The following ANKH variants were observed in gnomAD, a reference collection of about 807,000 sequenced individuals.
ANKH encodes the protein ANKH inorganic pyrophosphate transport regulator.
Under a neutral mutation model 49.0 loss-of-function variants are expected in ANKH, and 15 were observed. That is an observed-to-expected ratio of 0.31 (90% CI 0.20 to 0.47). The LOEUF (loss-of-function observed/expected upper bound fraction) is 0.47, where lower values mean the gene tolerates loss of function less well. Among genes scored for constraint, ANKH ranks in the 20% least tolerant of loss-of-function variants. ANKH has a pLI of 1.00. For synonymous variants in ANKH, 273 were observed against 260.0 expected (o/e 1.05, Z -0.48); for missense variants, 429 against 652.0 (o/e 0.66, Z 3.72).
intron 8 of ANKH, among the ~76,000 whole-genome samples, chr5:14,722,981 C>CTA (rs1297723649): frequency 6.6e-6 from 1 of 152,078 alleles, no homozygotes; most frequent in African/African-American, 2.4e-5. Context: ...CAGTCTTAAT[C>CTA]ATAAGACAAA....
rs1352014258 is a variant in ANKH, at chr5:14,713,243, A to G, written c.1266-270T>C. On this transcript the variant is annotated intron_variant, in intron 10 of 11. Coordinates refer to ENST00000284268, the MANE Select transcript of ANKH (RefSeq NM_054027.6). This position sits in a 1 kb window ranked among gnomAD's most constrained non-coding sequence, Gnocchi z 4.4. ...CGCTGGGAGCTCCCTGAGCGCAGGG[A>G]CCATGTCCTTCTCTTCTGGTTTTCA... Among the ~76,000 whole-genome samples, 3 of 151,976 alleles carry G rather than the reference A, an allele frequency of 2.0e-5. No homozygotes were observed. Among genetic ancestry groups the G allele is most frequent in the Non-Finnish European group, 4.4e-5 (3 of 67,968 alleles).
chr5:14,712,061 C>T (rs2126397754), intron 11 of ANKH, among the ~76,000 whole-genome samples: 1 of 152,326 alleles, frequency 6.6e-6, no homozygotes. Context: ...TAATGACCAT[C>T]ATTTCCCTAC....
rs553772616 is a variant in ANKH, at chr5:14,745,528, C to T, written c.915+342G>A. ...TCTGGTATGGGGTCAGCAAAGCATT[C>T]GTTTAAAGAAACAAACCACAGAAAT... is the stretch of plus-strand genomic sequence containing the variant. On this transcript the variant is annotated intron_variant, in intron 7 of 11. Transcript: ENST00000284268. The surrounding 1 kb of genome is among the most constrained non-coding windows in gnomAD (Gnocchi z 4.7). Among the ~76,000 whole-genome samples the T allele has an allele frequency of 2.6e-5, 4 of 152,268 alleles. No individual in the cohort carries two copies. The highest frequency in any genetic ancestry group is 2.9e-5 in the Non-Finnish European group (2 of 68,032).
At chr5:14,805,437 A>G (rs572924938) in intron 1 of ANKH, among the ~76,000 whole-genome samples, 162 of 109,100 alleles carry the variant, frequency 1.5e-3, no homozygotes, top group African/African-American at 5.1e-3. Flanking sequence ...AAACATATAT[A>G]TGTGTGTGTG....
At chr5:14,848,117 C>T (rs1445171945) in intron 1 of ANKH, among the ~76,000 whole-genome samples, 3 of 152,088 alleles carry the variant, frequency 2.0e-5, no homozygotes, top group South Asian at 2.1e-4. Flanking sequence ...TCCAGCCTGG[C>T]GATGGACCGA....
rs1736955680 is a variant in ANKH, at chr5:14,706,660, A to G, written c.*4537T>C. 6.6e-6 allele frequency: 1 copy of G among 152,210 alleles called. No individual in the cohort carries two copies. Among genetic ancestry groups the G allele is most frequent in the Admixed American group, 6.5e-5 (1 of 15,290 alleles). The allele number at this position is 152,210 out of a possible 1,614,324, so 9.4% of individuals were successfully genotyped here. A position where few individuals can be genotyped will look rare whatever the true frequency, so the allele number is the denominator to read the frequency against. ...ATGATTTTAGACATTTTGCCTTTAAAAGGGCAGGCAACAGGCCCTTTTACG... is the reference window on the plus strand; with the variant it reads ...ATGATTTTAGACATTTTGCCTTTAAGAGGGCAGGCAACAGGCCCTTTTACG... On this transcript the variant is annotated 3_prime_UTR_variant, in exon 12 of 12. Coordinates refer to ENST00000284268, the MANE Select transcript of ANKH (RefSeq NM_054027.6).
chr5:14,732,481 A>G lies in ANKH; in HGVS notation c.1011+9346T>C, dbSNP rs1435148409. ...AAGACTATAAACTTTATATTTATCT[A>G]TAAGATATAGATACATATATATAAT... On this transcript the variant is annotated intron_variant, in intron 8 of 11. Coordinates refer to ENST00000284268, the MANE Select transcript of ANKH (RefSeq NM_054027.6). 3.3e-5 allele frequency among the ~76,000 whole-genome samples: 5 copies of G among 152,202 alleles called. No homozygotes were observed. In the East Asian group the frequency reaches 9.6e-4, roughly 29 times the overall value.
At chr5:14,775,405 TATAAC>T (rs1739585203) in intron 1 of ANKH, among the ~76,000 whole-genome samples, 1 of 152,152 alleles carries the variant, frequency 6.6e-6, no homozygotes, top group South Asian at 2.1e-4. Context: ...ATAGGACAAT[TATAAC>T]AATATACTGT....
chr5:14,762,323 A>T (rs1390083085), intron 2 of ANKH, among the ~76,000 whole-genome samples: 1 of 152,222 alleles, frequency 6.6e-6, no homozygotes, highest in Non-Finnish European at 1.5e-5. Context: ...TTCGCCATCC[A>T]TTCTCCTGGG....
intron 3 of ANKH, among the ~76,000 whole-genome samples, chr5:14,757,161 C>A (rs1738912746): frequency 6.6e-6 from 1 of 152,078 alleles, no homozygotes; most frequent in Non-Finnish European, 1.5e-5. Flanking sequence ...GGAAGCTGGG[C>A]TTTGACTCTT....
At chr5:14,754,451 A>T (rs770528794) in intron 4 of ANKH, among the ~76,000 whole-genome samples, 6 of 152,050 alleles carry the variant, frequency 3.9e-5, no homozygotes, top group Non-Finnish European at 8.8e-5. Context: ...ATTTCAAATG[A>T]AGTGATTAGA....
chr5:14,728,328 C>T (rs997603291), intron 8 of ANKH, among the ~76,000 whole-genome samples: 1 of 152,250 alleles, frequency 6.6e-6, no homozygotes, highest in African/African-American at 2.4e-5. Flanking sequence ...CTTGGGGCCG[C>T]AGAAGCCCTG....
At chr5:14,718,259 C>T (rs978730299) in intron 8 of ANKH, among the ~76,000 whole-genome samples, 20 of 152,008 alleles carry the variant, frequency 1.3e-4, no homozygotes, top group Admixed American at 1.2e-3. Context: ...TGGGGGGTAC[C>T]TGGTTGAGGG....
rs1214468530 is a variant in ANKH, at chr5:14,712,840, ACCCGGGAGGAGGCT to A, written c.1365+20_1365+33del. On this transcript the variant is annotated intron_variant, in intron 11 of 11. Coordinates refer to ENST00000284268, the MANE Select transcript of ANKH (RefSeq NM_054027.6). Reference sequence around the variant, plus strand: ...GGTTCTCCTGCACCCAGGAGGATGCACCCGGGAGGAGGCTCCCGGCGCGGCTGTCTCACCTGCTT... The same window carrying A: ...GGTTCTCCTGCACCCAGGAGGATGCACCCGGCGCGGCTGTCTCACCTGCTT... 6.4e-7 allele frequency: 1 copy of A among 1,564,422 alleles called. No individual in the cohort carries two copies. The highest frequency in any genetic ancestry group is 8.7e-7 in the Non-Finnish European group (1 of 1,151,578).
chr5:14,751,090 G>A lies in ANKH; in HGVS notation c.666C>T (p.Asp222=), dbSNP rs1580035198. The part of the protein sequence containing the change: ...YYKNIHDIIP[D]RSGPELGGDA... ...GTACCCCCAGCTCCGGGCCACTTCTGTCAGGGATGATGTCGTGAATGTTCT... is the reference window on the plus strand; with the variant it reads ...GTACCCCCAGCTCCGGGCCACTTCTATCAGGGATGATGTCGTGAATGTTCT... Residue 222 remains aspartate (D), a synonymous_variant, in exon 5 of 12, where the codon GAC becomes GAT. Transcript: ENST00000284268. 1 of 1,614,234 alleles carries A rather than the reference G, an allele frequency of 6.2e-7. No individual in the cohort carries two copies. The highest frequency in any genetic ancestry group is 1.1e-5 in the South Asian group (1 of 91,088).
chr5:14,791,322 C>A (rs1740159159), intron 1 of ANKH, among the ~76,000 whole-genome samples: 1 of 152,104 alleles, frequency 6.6e-6, no homozygotes, highest in Non-Finnish European at 1.5e-5. Context: ...GTCATGACTC[C>A]TCGTTCAGCA....
At chr5:14,838,202 T>G (rs1299013498) in intron 1 of ANKH, among the ~76,000 whole-genome samples, 1 of 152,028 alleles carries the variant, frequency 6.6e-6, no homozygotes, top group African/African-American at 2.4e-5. Context: ...ACATGGCACA[T>G]GTATACATAT....
At chr5:14,786,919 TCCA>T (rs1739996072) in intron 1 of ANKH, among the ~76,000 whole-genome samples, 1 of 152,180 alleles carries the variant, frequency 6.6e-6, no homozygotes, top group Admixed American at 6.5e-5. Context: ...AATCCATGTG[TCCA>T]CCAACATAGG....
chr5:14,803,738 C>T (rs879749613), intron 1 of ANKH, among the ~76,000 whole-genome samples: 1 of 152,226 alleles, frequency 6.6e-6, no homozygotes, highest in Non-Finnish European at 1.5e-5. Context: ...CAGCCAAGTG[C>T]TCTTTCCTGA....
Sources: allele counts gnomAD v4.1 joint callset (sites outside exome capture counted in the v4.1 genomes callset), GRCh38; gene constraint gnomAD v4.1.1; non-coding constraint Gnocchi (gnomAD v3.1); transcripts MANE v1.5; gene names NCBI Gene and HGNC (gene_info 2026-07-23, HGNC 2026-07-21).